The following SLC19A1 variants were observed in gnomAD, a reference collection of about 807,000 sequenced individuals.
SLC19A1 encodes reduced folate transporter.
A neutral mutation model predicts 35.3 loss-of-function variants in SLC19A1; 37 were observed. The observed-to-expected ratio is 1.05, with a 90% confidence interval of 0.81 to 1.38. The LOEUF (loss-of-function observed/expected upper bound fraction) is 1.38, where lower values mean the gene tolerates loss of function less well. Among genes scored for constraint, SLC19A1 ranks in the 40% most tolerant of loss-of-function variants. SLC19A1 has a pLI of 0.00. For missense variants in SLC19A1, 831 were observed against 826.9 expected, an observed-to-expected ratio of 1.00 and a Z score of -0.06; for synonymous variants, 460 against 398.5, an observed-to-expected ratio of 1.15 and a Z score of -1.84.
chr21:45,510,926 AC>A (rs1011955859), downstream of SLC19A1, among the ~76,000 whole-genome samples: 3 of 109,858 alleles, frequency 2.7e-5, no homozygotes, highest in African/African-American at 6.8e-5. Context: ...GCAGAACCCC[AC>A]CCCCCAAAAA....
upstream of SLC19A1, among the ~76,000 whole-genome samples, chr21:45,545,002 G>A (rs1167180930): frequency 2.0e-5 from 3 of 152,218 alleles, no homozygotes; most frequent in Admixed American, 2.0e-4. Flanking sequence ...AGTGGCATTC[G>A]AGCAGCCCTT....
chr21:45,552,964 C>T (rs900075696), intron 1 of SLC19A1, among the ~76,000 whole-genome samples: 6 of 151,972 alleles, frequency 3.9e-5, no homozygotes, highest in East Asian at 1.9e-4. Context: ...CTCTCCGTGG[C>T]GCCCCCCATG....
rs1568942285 is a variant in SLC19A1, at chr21:45,505,223, T to TCCCGGCCCCCCAGGCCCC, written c.498-6629_498-6612dup. The TCCCGGCCCCCCAGGCCCC allele has an allele frequency of 2.0e-5, 31 of 1,580,680 alleles. No individual in the cohort carries two copies. Among genetic ancestry groups the TCCCGGCCCCCCAGGCCCC allele is most frequent in the African/African-American group, 5.8e-5 (4 of 68,870 alleles). On this transcript the variant is annotated intron_variant, in intron 3 of 4. Coordinates refer to the SLC19A1 transcript ENST00000417954. ...TCGGCTACGAGGGGCGCCAGGGCCCTCCCGGCCCCCCAGGCCCCCCAGGGC... is the reference window on the plus strand; with the variant it reads ...TCGGCTACGAGGGGCGCCAGGGCCCTCCCGGCCCCCCAGGCCCCCCCGGCCCCCCAGGCCCCCCAGGGC...
intron 1 of SLC19A1, among the ~76,000 whole-genome samples, chr21:45,539,523 C>T (rs2078238435): frequency 6.6e-6 from 1 of 152,210 alleles, no homozygotes; most frequent in Non-Finnish European, 1.5e-5. Context: ...CGATGTGGGG[C>T]CAGCTTTGGG....
At chr21:45,543,259 A>G (rs2078366359), upstream of SLC19A1, among the ~76,000 whole-genome samples, 1 of 152,158 alleles carries the variant, frequency 6.6e-6, no homozygotes, top group African/African-American at 2.4e-5. Context: ...CCTGTGCAGG[A>G]CACGGGGAGA....
At chr21:45,507,253 G>T in intron 3 of SLC19A1, 2 of 480,248 alleles carry the variant, frequency 4.2e-6, no homozygotes, top group South Asian at 2.1e-5. Flanking sequence ...GGTGGGTGCT[G>T]GGCAGGGAGG....
At chr21:45,509,161 C>T (rs536500746), downstream of SLC19A1, among the ~76,000 whole-genome samples, 44 of 152,168 alleles carry the variant, frequency 2.9e-4, no homozygotes, top group East Asian at 7.3e-3. Context: ...ACCCGCGATC[C>T]GGCGCCACGG....
intron 1 of SLC19A1, among the ~76,000 whole-genome samples, chr21:45,558,421 C>G (rs2078584364): frequency 6.6e-6 from 1 of 152,254 alleles, no homozygotes; most frequent in Non-Finnish European, 1.5e-5. Flanking sequence ...TGCAGTGAGA[C>G]CCCCTGAGAA....
chr21:45,537,719 T>TGGGGGGGCCCCCCCCCCCCCCCCC, intron 2 of SLC19A1, 52 bp downstream of exon 2: 2 of 319,776 alleles, frequency 6.3e-6, no homozygotes, highest in Non-Finnish European at 1.1e-5. Context: ...CAGACGCTGC[T>TGGGGGGGCCCCCCCCCCCCCCCCC]CCCCGCCCAC....
intron 1 of SLC19A1, among the ~76,000 whole-genome samples, chr21:45,552,573 C>T (rs181962887): frequency 9.8e-4 from 150 of 152,306 alleles, no homozygotes; most frequent in Admixed American, 2.0e-3. Context: ...GAGGGATTAG[C>T]GCGTGCTATA....
intron 3 of SLC19A1, chr21:45,503,812 A>G: frequency 2.8e-6 from 1 of 357,174 alleles, no homozygotes; most frequent in East Asian, 4.6e-5. Context: ...TTTAAAAATA[A>G]AATAAAAATA....
At chr21:45,543,027 G>T (rs1224875779), upstream of SLC19A1, among the ~76,000 whole-genome samples, 2 of 152,006 alleles carry the variant, frequency 1.3e-5, no homozygotes, top group African/African-American at 4.8e-5. Context: ...CCCGCCGCCC[G>T]CCCTCCTGCC....
rs1362386128 is a variant in SLC19A1, at chr21:45,533,809, C to T, written c.190-1661G>A. On this transcript the variant is annotated intron_variant, in intron 2 of 5. Coordinates refer to ENST00000311124, the MANE Select transcript of SLC19A1 (RefSeq NM_194255.4). The surrounding 1 kb of genome is among the most constrained non-coding windows in gnomAD (Gnocchi z 4.5). ...CCGAGCCACGCCGCCTCCCCGGGGG[C>T]TCTCAGCCTCGTGTCTGGCACACCC... Among the ~76,000 whole-genome samples, 1 of 152,216 alleles carries T rather than the reference C, an allele frequency of 6.6e-6. No individual in the cohort carries two copies. Among genetic ancestry groups the T allele is most frequent in the African/African-American group, 2.4e-5 (1 of 41,454 alleles).
At chr21:45,516,887 G>C (rs182086148) in intron 5 of SLC19A1, among the ~76,000 whole-genome samples, 11 of 152,208 alleles carry the variant, frequency 7.2e-5, no homozygotes, top group African/African-American at 2.4e-4. Flanking sequence ...GCAGCCCATC[G>C]GCACCGGCAC....
chr21:45,537,532 C>T (rs1157633849), intron 2 of SLC19A1, among the ~76,000 whole-genome samples: 1 of 147,280 alleles, frequency 6.8e-6, no homozygotes, highest in Non-Finnish European at 1.5e-5. Flanking sequence ...CTGCTCCCCG[C>T]CCACCCACAG....
At chr21:45,505,319 G>A (rs377459155) in intron 3 of SLC19A1, 73 of 1,593,276 alleles carry the variant, frequency 4.6e-5, no homozygotes, top group East Asian at 1.1e-4. Context: ...AGGCCGCCTC[G>A]TGTGGCTTCG....
intron 5 of SLC19A1, among the ~76,000 whole-genome samples, chr21:45,523,360 T>C (rs1038895870): frequency 2.0e-5 from 3 of 152,178 alleles, no homozygotes; most frequent in Non-Finnish European, 2.9e-5. Flanking sequence ...TTTTTTTCTA[T>C]GTGACAAGAG....
rs570717793 is a variant in SLC19A1, at chr21:45,556,741, C to G, written c.-50+6001G>C. 2.6e-5 allele frequency among the ~76,000 whole-genome samples: 4 copies of G among 152,278 alleles called. No homozygotes were observed. The South Asian group carries it at 8.3e-4, about 32-fold the overall frequency. ...CAAGCGCTCTGTGGCTGATCTGTCT[C>G]TGTTGCACCAAAGTATTTTAAATGT... On this transcript the variant is annotated intron_variant, in intron 1 of 5. Coordinates refer to the SLC19A1 transcript ENST00000650808.
chr21:45,546,469 C>CT (rs2078417120), upstream of SLC19A1, among the ~76,000 whole-genome samples: 1 of 152,240 alleles, frequency 6.6e-6, no homozygotes, highest in Non-Finnish European at 1.5e-5. Flanking sequence ...CCCCGGACAG[C>CT]GGCCCTAGCA....
Sources: allele counts gnomAD v4.1 joint callset (sites outside exome capture counted in the v4.1 genomes callset), GRCh38; gene constraint gnomAD v4.1.1; non-coding constraint Gnocchi (gnomAD v3.1); transcripts MANE v1.5; gene names NCBI Gene and HGNC (gene_info 2026-07-23, HGNC 2026-07-21).